Variants in EFNA5 observed in about 807,000 individuals in gnomAD.
The protein encoded by EFNA5 is ephrin-A5.
Under a neutral mutation model 22.9 loss-of-function variants are expected in EFNA5, and 5 were observed. That is an observed-to-expected ratio of 0.22 (90% confidence interval 0.11 to 0.46). The LOEUF (loss-of-function observed/expected upper bound fraction) is 0.46, where lower values mean the gene tolerates loss of function less well. Among genes scored for constraint, EFNA5 ranks in the 20% least tolerant of loss-of-function variants. The pLI, the probability that EFNA5 is intolerant of heterozygous loss-of-function variation, is 0.99. For missense variants in EFNA5, 237 were observed against 293.3 expected (o/e 0.81, Z 1.40); for synonymous variants, 113 against 112.2 (o/e 1.01, Z -0.04).
intron 1 of EFNA5, among the ~76,000 whole-genome samples, chr5:107,649,726 C>T (rs1373937202): frequency 6.6e-6 from 1 of 152,080 alleles, no homozygotes; most frequent in African/African-American, 2.4e-5. Flanking sequence ...TATAATAATA[C>T]AGAAATACAT....
chr5:107,596,089 T>G (rs1198504522), intron 1 of EFNA5, among the ~76,000 whole-genome samples: 1 of 152,206 alleles, frequency 6.6e-6, no homozygotes, highest in African/African-American at 2.4e-5. Context: ...ACATTTTACT[T>G]AATACTACTT....
At chr5:107,596,329 C>T (rs2112508390) in intron 1 of EFNA5, among the ~76,000 whole-genome samples, 1 of 152,282 alleles carries the variant, frequency 6.6e-6, no homozygotes, top group South Asian at 2.1e-4. Flanking sequence ...ATTTCCAGAG[C>T]TTGACTACTT....
chr5:107,633,057 G>C (rs1033532278), intron 1 of EFNA5, among the ~76,000 whole-genome samples: 3 of 152,032 alleles, frequency 2.0e-5, no homozygotes, highest in African/African-American at 7.3e-5. Flanking sequence ...ATGACACACA[G>C]AGATATAACA....
chr5:107,640,082 G>A (rs2112543299), intron 1 of EFNA5, among the ~76,000 whole-genome samples: 1 of 152,262 alleles, frequency 6.6e-6, no homozygotes, highest in East Asian at 1.9e-4. Flanking sequence ...CTCCATCTTG[G>A]TCTGTCAGTG....
intron 1 of EFNA5, among the ~76,000 whole-genome samples, chr5:107,663,103 G>C (rs773419224): frequency 1.4e-4 from 21 of 151,950 alleles, no homozygotes; most frequent in Non-Finnish European, 2.4e-4. Flanking sequence ...TAAATGTAGA[G>C]AGCCCTGCCA....
chr5:107,599,942 T>TTCCC (rs1211312861), intron 1 of EFNA5, among the ~76,000 whole-genome samples: 1 of 152,224 alleles, frequency 6.6e-6, no homozygotes. Context: ...AAGCAGCAGC[T>TTCCC]TCCCTTCAGG....
rs1013564705 is a variant in EFNA5, at chr5:107,417,214, T to C, written c.418+10003A>G. On this transcript the variant is annotated intron_variant, in intron 2 of 4. Transcript: ENST00000333274. ...ATGTAGATAAAGCTAGTTGGAAATATTGTATATCTCTAAAAATAGTAAAAT... is the reference window on the plus strand; with the variant it reads ...ATGTAGATAAAGCTAGTTGGAAATACTGTATATCTCTAAAAATAGTAAAAT... Among the ~76,000 whole-genome samples, 13 of 152,292 alleles carry C rather than the reference T, an allele frequency of 8.5e-5. No homozygotes were observed. In the East Asian group the frequency reaches 9.6e-4, roughly 11 times the overall value.
At chr5:107,511,372 A>T (rs1280161535) in intron 1 of EFNA5, among the ~76,000 whole-genome samples, 1 of 152,176 alleles carries the variant, frequency 6.6e-6, no homozygotes, top group Non-Finnish European at 1.5e-5. Flanking sequence ...GTTTGAAAAG[A>T]TGATGAGATC....
At chr5:107,384,648 G>A (rs897954745) in intron 4 of EFNA5, among the ~76,000 whole-genome samples, 1 of 151,848 alleles carries the variant, frequency 6.6e-6, no homozygotes, top group Non-Finnish European at 1.5e-5. Flanking sequence ...ATCTTGCTCT[G>A]TCACCCAGGA....
chr5:107,430,348 T>C (rs943649472), intron 1 of EFNA5, among the ~76,000 whole-genome samples: 4 of 152,234 alleles, frequency 2.6e-5, no homozygotes, highest in African/African-American at 9.6e-5. Flanking sequence ...AGATGCACTT[T>C]ATATTATTAT....
At chr5:107,569,580 T>A (rs1237579323) in intron 1 of EFNA5, among the ~76,000 whole-genome samples, 1 of 25,870 alleles carries the variant, frequency 3.9e-5, no homozygotes, top group East Asian at 5.1e-4. Flanking sequence ...TATATATATA[T>A]ATATATATAT....
chr5:107,632,233 T>C (rs1479733626), intron 1 of EFNA5, among the ~76,000 whole-genome samples: 1 of 152,202 alleles, frequency 6.6e-6, no homozygotes, highest in African/African-American at 2.4e-5. Context: ...TCTTATTCCT[T>C]TCTCCTTTTT....
chr5:107,609,185 G>A (rs1381341691), intron 1 of EFNA5, among the ~76,000 whole-genome samples: 4 of 152,006 alleles, frequency 2.6e-5, no homozygotes, highest in Non-Finnish European at 4.4e-5. Context: ...TAATTAAAAG[G>A]GTATCCTCTC....
At chr5:107,504,389 T>C (rs1428983954) in intron 1 of EFNA5, among the ~76,000 whole-genome samples, 1 of 152,174 alleles carries the variant, frequency 6.6e-6, no homozygotes, top group Non-Finnish European at 1.5e-5. Flanking sequence ...TTTTTAGTGA[T>C]ATGTTATATA....
chr5:107,427,066 G>T, intron 2 of EFNA5, 151 bp downstream of exon 2: 1 of 796,494 alleles, frequency 1.3e-6, no homozygotes, highest in Non-Finnish European at 2.0e-6. Context: ...TCAATTCCCA[G>T]CTAATGTATC....
intron 2 of EFNA5, among the ~76,000 whole-genome samples, chr5:107,412,704 A>AC (rs1327933451): frequency 6.6e-6 from 1 of 152,146 alleles, no homozygotes; most frequent in Non-Finnish European, 1.5e-5. Context: ...TTTGGATGTC[A>AC]CCCCCAAATG....
At chr5:107,628,612 A>G (rs918601590) in intron 1 of EFNA5, among the ~76,000 whole-genome samples, 1 of 152,164 alleles carries the variant, frequency 6.6e-6, no homozygotes, top group East Asian at 1.9e-4. Context: ...ACCACAACAT[A>G]TTATACCAGG....
At chr5:107,653,128 C>G (rs564798780) in intron 1 of EFNA5, among the ~76,000 whole-genome samples, 1 of 152,146 alleles carries the variant, frequency 6.6e-6, no homozygotes, top group African/African-American at 2.4e-5. Flanking sequence ...TGAGGGTTTA[C>G]CCTTTTACTT....
At chr5:107,537,364 G>A (rs774421267) in intron 1 of EFNA5, among the ~76,000 whole-genome samples, 3 of 151,682 alleles carry the variant, frequency 2.0e-5, no homozygotes, top group Non-Finnish European at 2.9e-5. Context: ...GTGGTGGCAG[G>A]TCAAGGTGGG....
Sources: gnomAD v4.1 joint callset for allele counts (sites outside exome capture counted in the v4.1 genomes callset) on GRCh38, gnomAD v4.1.1 for gene constraint, MANE v1.5 for transcripts, NCBI Gene and HGNC (gene_info 2026-07-23, HGNC 2026-07-21) for gene names.